The following KCNH8 variants were observed in gnomAD, a reference collection of about 807,000 sequenced individuals.
The protein encoded by KCNH8 is voltage-gated delayed rectifier potassium channel KCNH8.
Under a neutral mutation model 103.6 loss-of-function variants are expected in KCNH8, and 70 were observed. The observed-to-expected ratio is 0.68, with a 90% CI of 0.56 to 0.82. The LOEUF (loss-of-function observed/expected upper bound fraction) is 0.82. Ranked by LOEUF, KCNH8 falls within the 40% of genes least tolerant of loss-of-function variation. KCNH8 has a pLI of 0.00. For missense variants in KCNH8, 1,217 were observed against 1,329.9 expected (o/e 0.92, Z 1.32); for synonymous variants, 498 against 489.4 (o/e 1.02, Z -0.23).
intron 11 of KCNH8, among the ~76,000 whole-genome samples, chr3:19,477,625 G>A (rs1215528745): frequency 2.6e-5 from 4 of 151,876 alleles, no homozygotes; most frequent in Non-Finnish European, 5.9e-5. Context: ...ATTATGGCCA[G>A]GTGGAAGCAA....
chr3:19,174,071 A>C (rs1258046614), intron 1 of KCNH8, among the ~76,000 whole-genome samples: 1 of 150,984 alleles, frequency 6.6e-6, no homozygotes, highest in Non-Finnish European at 1.5e-5. Context: ...CCCACTCTAC[A>C]CCGCTTGATT....
chr3:19,325,655 G>A (rs2065412677), intron 3 of KCNH8, among the ~76,000 whole-genome samples: 1 of 152,168 alleles, frequency 6.6e-6, no homozygotes, highest in Non-Finnish European at 1.5e-5. Context: ...ACAACAGTCA[G>A]AATGGCCACT....
intron 1 of KCNH8, among the ~76,000 whole-genome samples, chr3:19,244,112 C>T (rs942095388): frequency 4.3e-4 from 65 of 152,230 alleles, no homozygotes; most frequent in African/African-American, 1.5e-3. Flanking sequence ...GCTGCATAAA[C>T]TTATGTTTAT....
intron 5 of KCNH8, among the ~76,000 whole-genome samples, chr3:19,386,182 A>T (rs907425285): frequency 2.6e-5 from 4 of 152,162 alleles, no homozygotes; most frequent in Non-Finnish European, 5.9e-5. Context: ...GAGATAAGTG[A>T]AATACTCACT....
intron 5 of KCNH8, among the ~76,000 whole-genome samples, chr3:19,372,881 T>A (rs1486115662): frequency 6.6e-6 from 1 of 152,134 alleles, no homozygotes; most frequent in South Asian, 2.1e-4. Flanking sequence ...ATGTGGTTTT[T>A]GTCTTTGGCT....
At chr3:19,256,349 C>G (rs1316243607) in intron 2 of KCNH8, among the ~76,000 whole-genome samples, 1 of 152,060 alleles carries the variant, frequency 6.6e-6, no homozygotes. Flanking sequence ...TTGTGTCCTT[C>G]CCAGTGTCAA....
chr3:19,285,625 C>T (rs2064820018), intron 3 of KCNH8, among the ~76,000 whole-genome samples: 1 of 151,788 alleles, frequency 6.6e-6, no homozygotes, highest in South Asian at 2.1e-4. Flanking sequence ...ATTTACTTCT[C>T]ATAACTCTGT....
At chr3:19,503,364 G>C (rs1467813733) in intron 11 of KCNH8, among the ~76,000 whole-genome samples, 4 of 152,226 alleles carry the variant, frequency 2.6e-5, no homozygotes, top group Non-Finnish European at 5.9e-5. Flanking sequence ...GTGGAAGTCA[G>C]TGTGGCGATT....
intron 6 of KCNH8, among the ~76,000 whole-genome samples, chr3:19,392,495 G>A (rs1157988438): frequency 6.6e-6 from 1 of 151,892 alleles, no homozygotes; most frequent in Non-Finnish European, 1.5e-5. Context: ...AGAAAAGCTT[G>A]TTCAAGGTAT....
intron 3 of KCNH8, among the ~76,000 whole-genome samples, chr3:19,303,977 ATTC>A (rs1173025359): frequency 6.6e-6 from 1 of 152,146 alleles, no homozygotes; most frequent in Non-Finnish European, 1.5e-5. Flanking sequence ...GTTGAGTCCT[ATTC>A]TTTTGTGAAG....
intron 8 of KCNH8, among the ~76,000 whole-genome samples, chr3:19,439,927 T>G (rs1461192680): frequency 6.9e-6 from 1 of 145,952 alleles, no homozygotes; most frequent in Non-Finnish European, 1.5e-5. Flanking sequence ...GAAGAAAAAG[T>G]GGAGAGAAAA....
intron 9 of KCNH8, chr3:19,450,898 TTA>T (rs1338775266): frequency 2.2e-6 from 1 of 450,130 alleles, no homozygotes; most frequent in Admixed American, 3.8e-5. Context: ...TCACAATGAG[TTA>T]TATGTTTTCC....
chr3:19,342,584 C>T lies in KCNH8; in HGVS notation c.443-3C>T, dbSNP rs766532249. ...GTGTCTAATGAGTTTTATTTTCCCC[C>T]AGACAAAGTCAAAGGAAGATCAAGA... On this transcript the variant is annotated splice_region_variant and splice_polypyrimidine_tract_variant and intron_variant, in intron 3 of 15. Coordinates refer to ENST00000328405, the MANE Select transcript of KCNH8 (RefSeq NM_144633.3). The T allele has an allele frequency of 1.2e-6, 2 of 1,608,118 alleles. No homozygotes were observed. The highest frequency in any genetic ancestry group is 4.5e-5 in the East Asian group (2 of 44,604).
intron 5 of KCNH8, among the ~76,000 whole-genome samples, chr3:19,348,274 T>C (rs569623340): frequency 6.2e-4 from 95 of 152,224 alleles, no homozygotes; most frequent in Non-Finnish European, 1.1e-3. Flanking sequence ...GATCTTAAAC[T>C]GGTAGGGTCA....
intron 1 of KCNH8, among the ~76,000 whole-genome samples, chr3:19,149,990 A>G (rs2063112983): frequency 6.6e-6 from 1 of 152,216 alleles, no homozygotes; most frequent in South Asian, 2.1e-4. Context: ...TTTACATGAG[A>G]AAGAAATGAA....
intron 3 of KCNH8, among the ~76,000 whole-genome samples, chr3:19,297,392 C>A (rs1452531451): frequency 2.0e-5 from 3 of 152,156 alleles, no homozygotes; most frequent in East Asian, 1.9e-4. Context: ...CTAGATGATA[C>A]ATTGATGAAA....
At chr3:19,195,697 C>G (rs1339969745) in intron 1 of KCNH8, among the ~76,000 whole-genome samples, 1 of 151,992 alleles carries the variant, frequency 6.6e-6, no homozygotes. Context: ...AGAGCATGGC[C>G]TGTGACCCAA....
chr3:19,459,480 G>C (rs1369527319), intron 11 of KCNH8, among the ~76,000 whole-genome samples: 1 of 151,764 alleles, frequency 6.6e-6, no homozygotes, highest in Non-Finnish European at 1.5e-5. Context: ...ACTGAGTTGA[G>C]TTTATGTATT....
intron 5 of KCNH8, among the ~76,000 whole-genome samples, chr3:19,375,679 A>G (rs1364311051): frequency 4.6e-5 from 7 of 152,112 alleles, no homozygotes; most frequent in South Asian, 2.1e-4. Context: ...GAGGAGAGGC[A>G]CTCTGGTTTT....
Sources: allele counts gnomAD v4.1 joint callset (sites outside exome capture counted in the v4.1 genomes callset), GRCh38; gene constraint gnomAD v4.1.1; transcripts MANE v1.5; gene names NCBI Gene and HGNC (gene_info 2026-07-23, HGNC 2026-07-21).